The following EXOC6B variants were observed in gnomAD, a reference collection of about 807,000 sequenced individuals.
EXOC6B encodes SEC15 homolog B.
Under a neutral mutation model 113.5 loss-of-function variants are expected in EXOC6B, and 54 were observed. The observed-to-expected ratio is 0.48, with a 90% CI of 0.38 to 0.60. The LOEUF is 0.60. Ranked by LOEUF, EXOC6B falls within the 20% of genes least tolerant of loss-of-function variation. The probability of loss-of-function intolerance (pLI) is 0.00; values close to 1 mark genes in which losing one functional copy is unlikely to be tolerated. For synonymous variants in EXOC6B, 357 were observed against 339.0 expected, an observed-to-expected ratio of 1.05 and a Z score of -0.58; for missense variants, 797 against 977.5, an observed-to-expected ratio of 0.82 and a Z score of 2.46.
Position 72,733,135 on chromosome 2 carries a change from A to AT in EXOC6B, c.280-18dup, listed in dbSNP as rs555383877. On this transcript the variant is annotated splice_polypyrimidine_tract_variant and intron_variant, in intron 2 of 21. Transcript: ENST00000272427. ...CACTTGATTCTGTGGAGAGAAGACAATTTAAACTCATAAAAAACAAACATT... is the reference window on the plus strand; with the variant it reads ...CACTTGATTCTGTGGAGAGAAGACAATTTTAAACTCATAAAAAACAAACATT... The AT allele has an allele frequency of 6.4e-7, 1 of 1,554,330 alleles. No homozygotes were observed. The highest frequency in any genetic ancestry group is 1.2e-5 in the South Asian group (1 of 85,774).
intron 18 of EXOC6B, among the ~76,000 whole-genome samples, chr2:72,444,953 G>A (rs1460366708): frequency 1.3e-5 from 2 of 152,152 alleles, no homozygotes; most frequent in African/African-American, 4.8e-5. Context: ...TCTGCAGCTG[G>A]CTTGAATTTC....
intron 18 of EXOC6B, chr2:72,462,685 A>C (rs912623196): frequency 6.6e-6 from 1 of 152,162 alleles, no homozygotes; most frequent in Non-Finnish European, 1.5e-5. Context: ...TGCAGCCTCC[A>C]GAACTGTGAG....
At chr2:72,819,989 G>T (rs1686492641) in intron 1 of EXOC6B, among the ~76,000 whole-genome samples, 1 of 152,106 alleles carries the variant, frequency 6.6e-6, no homozygotes, top group Admixed American at 6.6e-5. Context: ...ACGAACCAAG[G>T]ATTATGATTA....
intron 19 of EXOC6B, among the ~76,000 whole-genome samples, chr2:72,364,631 CG>C (rs1464364380): frequency 6.6e-6 from 1 of 152,076 alleles, no homozygotes; most frequent in Non-Finnish European, 1.5e-5. Context: ...GATTCTCCTA[CG>C]GTTCTCTCAA....
chr2:72,448,158 T>G (rs1306465918), intron 18 of EXOC6B, among the ~76,000 whole-genome samples: 1 of 152,212 alleles, frequency 6.6e-6, no homozygotes, highest in African/African-American at 2.4e-5. Context: ...TCCCCTTATA[T>G]TCTAAAAGTT....
chr2:72,200,635 G>A (rs1219854452), intron 20 of EXOC6B, among the ~76,000 whole-genome samples: 5 of 152,178 alleles, frequency 3.3e-5, no homozygotes, highest in Admixed American at 3.3e-4. Flanking sequence ...CTGAGGTCTG[G>A]AAAGATTCAT....
At chr2:72,513,098 C>A in intron 11 of EXOC6B, 34 bp downstream of exon 11, 1 of 1,609,978 alleles carries the variant, frequency 6.2e-7, no homozygotes, top group Non-Finnish European at 8.5e-7. Context: ...ATAATCAGCT[C>A]TAAATAACAA....
chr2:72,398,696 C>CAA (rs773438899), intron 18 of EXOC6B, among the ~76,000 whole-genome samples: 29 of 98,548 alleles, frequency 2.9e-4, no homozygotes, highest in East Asian at 5.9e-4. Flanking sequence ...GACTCTATCT[C>CAA]AAAAAAAAAA....
intron 1 of EXOC6B, among the ~76,000 whole-genome samples, chr2:72,745,650 GT>G (rs1681649752): frequency 6.6e-6 from 1 of 151,932 alleles, no homozygotes; most frequent in South Asian, 2.1e-4. Context: ...TTTCCATCTG[GT>G]TACCAAATAG....
intron 18 of EXOC6B, among the ~76,000 whole-genome samples, chr2:72,397,945 G>A (rs1375604121): frequency 6.6e-6 from 1 of 152,054 alleles, no homozygotes; most frequent in Non-Finnish European, 1.5e-5. Flanking sequence ...CTAGCATGGG[G>A]CACAAGAAAA....
chr2:72,683,964 C>T lies in EXOC6B; in HGVS notation c.669+34139G>A, dbSNP rs546973446. Among the ~76,000 whole-genome samples the T allele has an allele frequency of 5.3e-5, 8 of 152,272 alleles. 1 individual carries two copies. Among genetic ancestry groups the T allele is most frequent in the African/African-American group, 1.9e-4 (8 of 41,538 alleles). Reference sequence around the variant, plus strand: ...CTTATTTATTTGAGACAGAGTATTGCTCTGTCACCCAGGCTGGAGTGCAAT... The same window carrying T: ...CTTATTTATTTGAGACAGAGTATTGTTCTGTCACCCAGGCTGGAGTGCAAT... On this transcript the variant is annotated intron_variant, in intron 6 of 21. Coordinates refer to ENST00000272427, the MANE Select transcript of EXOC6B (RefSeq NM_015189.3).
chr2:72,300,009 A>G (rs1280817155), intron 20 of EXOC6B, among the ~76,000 whole-genome samples: 2 of 152,154 alleles, frequency 1.3e-5, no homozygotes, highest in Non-Finnish European at 2.9e-5. Flanking sequence ...TCAGGGACCC[A>G]CTTGATGAGG....
intron 19 of EXOC6B, among the ~76,000 whole-genome samples, chr2:72,378,366 A>C (rs1261786848): frequency 1.2e-4 from 19 of 152,136 alleles, no homozygotes; most frequent in Admixed American, 9.2e-4. Flanking sequence ...TCTGTGTAAA[A>C]ACACTGCTTT....
intron 1 of EXOC6B, among the ~76,000 whole-genome samples, chr2:72,746,470 T>C (rs1391792966): frequency 1.3e-5 from 2 of 152,042 alleles, no homozygotes; most frequent in African/African-American, 2.4e-5. Flanking sequence ...ATCTGGTGCA[T>C]AGCTCTAGAT....
intron 17 of EXOC6B, among the ~76,000 whole-genome samples, chr2:72,470,077 C>T (rs1430183626): frequency 1.3e-5 from 2 of 151,574 alleles, no homozygotes; most frequent in African/African-American, 2.4e-5. Flanking sequence ...TTTTTAGTTC[C>T]CTATGAATTT....
chr2:72,313,246 A>G (rs1687315516), intron 20 of EXOC6B, among the ~76,000 whole-genome samples: 1 of 152,196 alleles, frequency 6.6e-6, no homozygotes, highest in East Asian at 1.9e-4. Flanking sequence ...AGAAAGGATC[A>G]GGAAAAATAA....
intron 20 of EXOC6B, among the ~76,000 whole-genome samples, chr2:72,218,880 A>G (rs1353547285): frequency 2.6e-5 from 4 of 151,132 alleles, no homozygotes; most frequent in African/African-American, 9.7e-5. Context: ...CCATGATGAA[A>G]CTCGTGATCT....
chr2:72,547,553 C>T (rs1702977855), intron 8 of EXOC6B, among the ~76,000 whole-genome samples: 1 of 152,150 alleles, frequency 6.6e-6, no homozygotes, highest in Non-Finnish European at 1.5e-5. Context: ...AGGTTTGCCC[C>T]TCTAGTCTCT....
chr2:72,581,042 C>T (rs1036872534), intron 6 of EXOC6B, among the ~76,000 whole-genome samples: 1 of 152,148 alleles, frequency 6.6e-6, no homozygotes, highest in African/African-American at 2.4e-5. Context: ...ACTCCGCAGG[C>T]TAAGAGAAAC....
Sources: allele counts gnomAD v4.1 joint callset (sites outside exome capture counted in the v4.1 genomes callset), GRCh38; gene constraint gnomAD v4.1.1; transcripts MANE v1.5; gene names NCBI Gene and HGNC (gene_info 2026-07-23, HGNC 2026-07-21).